The following ANO1 variants were observed in gnomAD, a reference collection of about 807,000 sequenced individuals.
The protein encoded by ANO1 is anoctamin-1.
ANO1 carries 59 observed loss-of-function variants against 124.0 expected under a neutral mutation model. The observed-to-expected ratio is 0.48, with a 90% CI of 0.39 to 0.59. The LOEUF (loss-of-function observed/expected upper bound fraction) is 0.59, where lower values mean the gene tolerates loss of function less well. Among genes scored for constraint, ANO1 ranks in the 20% least tolerant of loss-of-function variants. The pLI is 0.00. For missense variants in ANO1, 1,059 were observed against 1,328.0 expected, an observed-to-expected ratio of 0.80 and a Z score of 3.15; for synonymous variants, 529 against 532.0, an observed-to-expected ratio of 0.99 and a Z score of 0.08.
At chr11:70,124,879 G>A (rs2046430888) in intron 9 of ANO1, among the ~76,000 whole-genome samples, 1 of 152,172 alleles carries the variant, frequency 6.6e-6, no homozygotes, top group African/African-American at 2.4e-5. Flanking sequence ...TGCCAACCAC[G>A]CTTAATATGA....
At position 70,188,024 on chromosome 11, in the gene ANO1, C is replaced by A; in HGVS notation, c.*20C>A. The A allele has an allele frequency of 6.5e-7, 1 of 1,546,272 alleles. No individual in the cohort carries two copies. Among genetic ancestry groups the A allele is most frequent in the Non-Finnish European group, 8.7e-7 (1 of 1,146,356 alleles). On this transcript the variant is annotated 3_prime_UTR_variant, in exon 26 of 26. Coordinates refer to ENST00000355303, the MANE Select transcript of ANO1 (RefSeq NM_018043.7). ...CTGTAGCTATGCCAGCGGGGCTGGGCAGGCCAGCCGGGCATCCTGACCGAT... is the reference window on the plus strand; with the variant it reads ...CTGTAGCTATGCCAGCGGGGCTGGGAAGGCCAGCCGGGCATCCTGACCGAT...
intron 1 of ANO1, among the ~76,000 whole-genome samples, chr11:70,011,303 G>A (rs1856595230): frequency 1.3e-5 from 2 of 152,154 alleles, no homozygotes; most frequent in African/African-American, 4.8e-5. Flanking sequence ...TCCTTCAGCA[G>A]TTAAGTGGGT....
chr11:70,105,320 G>C (rs1313430905), intron 4 of ANO1, among the ~76,000 whole-genome samples: 1 of 152,228 alleles, frequency 6.6e-6, no homozygotes, highest in East Asian at 1.9e-4. Context: ...TGGAAATACA[G>C]GGAGATTGTT....
rs183825142 is a variant in ANO1, at chr11:70,088,307, C to T, written c.441+223C>T. Among the ~76,000 whole-genome samples the T allele has an allele frequency of 1.3e-3, 201 of 152,066 alleles. 1 individual carries two copies. The highest frequency in any genetic ancestry group is 3.4e-3 in the Middle Eastern group (1 of 292). On this transcript the variant is annotated intron_variant, in intron 2 of 25. Coordinates refer to ENST00000355303, the MANE Select transcript of ANO1 (RefSeq NM_018043.7). ...GGGGTGGTTCACGAGGTCAAGAGAT[C>T]GAGGCCATCCTGGCCAACACGGTGA...
intron 8 of ANO1, among the ~76,000 whole-genome samples, chr11:70,121,689 A>C (rs1320418656): frequency 5.1e-3 from 199 of 39,310 alleles, no homozygotes; most frequent in Admixed American, 9.5e-3. Context: ...CGTCTCCCCC[A>C]CCTCTCTCTG....
chr11:70,151,426 T>C (rs1384866935), intron 12 of ANO1, among the ~76,000 whole-genome samples: 1 of 152,188 alleles, frequency 6.6e-6, no homozygotes, highest in Non-Finnish European at 1.5e-5. Flanking sequence ...GGGTGGTCTC[T>C]TCCCTTGCCG....
intron 1 of ANO1, among the ~76,000 whole-genome samples, chr11:70,041,312 G>A (rs1565167052): frequency 2.0e-5 from 3 of 152,166 alleles, no homozygotes; most frequent in Admixed American, 6.5e-5. Context: ...CAAAGCAAGG[G>A]TTTACCCCTC....
chr11:70,152,365 T>G, intron 12 of ANO1, 85 bp from the exon 13 acceptor site: 1 of 1,166,390 alleles, frequency 8.6e-7, no homozygotes, highest in Non-Finnish European at 1.2e-6. Flanking sequence ...AAAGTTGTCC[T>G]TAGTGGACAG....
intron 7 of ANO1, among the ~76,000 whole-genome samples, chr11:70,115,102 G>A (rs2045925608): frequency 6.6e-6 from 1 of 152,068 alleles, no homozygotes; most frequent in African/African-American, 2.4e-5. Context: ...TTGGGTGGGT[G>A]AGGATCCCCT....
At chr11:70,048,044 A>C (rs2135073466) in intron 1 of ANO1, among the ~76,000 whole-genome samples, 1 of 152,360 alleles carries the variant, frequency 6.6e-6, no homozygotes, top group South Asian at 2.1e-4. Context: ...TCCAAATTTA[A>C]AATAAAATGG....
intron 1 of ANO1, among the ~76,000 whole-genome samples, chr11:70,000,470 A>G (rs1220118751): frequency 2.1e-5 from 3 of 143,850 alleles, no homozygotes; most frequent in Non-Finnish European, 4.6e-5. Context: ...TGAGATTACC[A>G]TCATACACCC....
At chr11:70,067,951 A>G (rs1407303860) in intron 1 of ANO1, among the ~76,000 whole-genome samples, 7 of 152,132 alleles carry the variant, frequency 4.6e-5, no homozygotes, top group Non-Finnish European at 1.5e-5. Context: ...TCAGCCTCAC[A>G]CCTGCGGGTC....
At chr11:70,037,564 C>A (rs1459710393) in intron 1 of ANO1, among the ~76,000 whole-genome samples, 1 of 152,064 alleles carries the variant, frequency 6.6e-6, no homozygotes, top group African/African-American at 2.4e-5. Context: ...GAAAACACAA[C>A]CTTCAAGGGC....
At chr11:70,143,703 C>T (rs545905171) in intron 11 of ANO1, among the ~76,000 whole-genome samples, 25 of 152,330 alleles carry the variant, frequency 1.6e-4, no homozygotes, top group African/African-American at 5.1e-4. Context: ...GATTGCCCCC[C>T]GCCACAGGTA....
At chr11:70,039,933 A>C (rs781920533) in intron 1 of ANO1, among the ~76,000 whole-genome samples, 1 of 152,170 alleles carries the variant, frequency 6.6e-6, no homozygotes, top group Non-Finnish European at 1.5e-5. Context: ...TCAGGGTCTA[A>C]AGAAAGAACT....
At chr11:70,076,379 C>T (rs1261209702), upstream of ANO1, among the ~76,000 whole-genome samples, 1 of 152,138 alleles carries the variant, frequency 6.6e-6, no homozygotes. Context: ...AATGTCACTT[C>T]CCAAACCTTT....
upstream of ANO1, among the ~76,000 whole-genome samples, chr11:70,076,068 T>C (rs1555009974): frequency 2.0e-5 from 3 of 152,204 alleles, no homozygotes; most frequent in South Asian, 2.1e-4. Context: ...CCTCTGCCCT[T>C]GCTGTGGCAT....
At chr11:69,987,918 C>T (rs1466345484) in intron 1 of ANO1, among the ~76,000 whole-genome samples, 3 of 152,234 alleles carry the variant, frequency 2.0e-5, no homozygotes, top group East Asian at 1.9e-4. Context: ...ACAGCCTCCA[C>T]TCCCGGAGAG....
chr11:70,152,997 G>T, intron 13 of ANO1, 60 bp from the exon 14 acceptor site: 1 of 1,479,458 alleles, frequency 6.8e-7, no homozygotes, highest in Non-Finnish European at 9.3e-7. Context: ...GTATGCTCAC[G>T]CTGAGGAGCT....
Sources: gnomAD v4.1 joint callset for allele counts (sites outside exome capture counted in the v4.1 genomes callset) on GRCh38, gnomAD v4.1.1 for gene constraint, MANE v1.5 for transcripts, NCBI Gene and HGNC (gene_info 2026-07-23, HGNC 2026-07-21) for gene names.